Variants in KRT40 observed in about 807,000 individuals in gnomAD.
KRT40 encodes the protein keratin 40, also known as keratin, type I cytoskeletal 40.
A neutral mutation model predicts 43.5 loss-of-function variants in KRT40; 47 were observed. The observed-to-expected ratio is 1.08, with a 90% confidence interval of 0.86 to 1.38. KRT40 has a LOEUF of 1.38. KRT40 is among the 40% of genes most tolerant of loss of function. KRT40 has a pLI of 0.00. For missense variants in KRT40, 573 were observed against 523.6 expected (o/e 1.09, Z -0.92); for synonymous variants, 212 against 214.0 (o/e 0.99, Z 0.08).
Position 40,978,252 on chromosome 17 carries a change from G to A in KRT40, c.1241C>T (p.Thr414Ile). 6.2e-7 allele frequency: 1 copy of A among 1,614,190 alleles called. No homozygotes were observed. The highest frequency in any genetic ancestry group is 8.5e-7 in the Non-Finnish European group (1 of 1,180,012). The change falls in exon 7 of 7, where the codon ACT becomes ATT. Residue 414 changes from threonine (T) to isoleucine (I), a missense_variant. Coordinates refer to ENST00000377755, the MANE Select transcript of KRT40 (RefSeq NM_001389244.1). ...PCSTTCTSSN[T>I]CEPCSAYVIC... Reference sequence around the variant, plus strand: ...GACATAGGCTGAGCATGGCTCACAAGTGTTGCTCGAGGTGCATGTGGTCGA... The same window carrying A: ...GACATAGGCTGAGCATGGCTCACAAATGTTGCTCGAGGTGCATGTGGTCGA...
Position 40,983,918 on chromosome 17 carries a change from G to T in KRT40, c.356C>A (p.Ser119Tyr). ...SLEETNAELESRIQEQCEQDI... is the reference protein window; with the variant it reads ...SLEETNAELEYRIQEQCEQDI... ...CTGTTCACATTGTTCTTGGATCCTG[G>T]ATTCCAGCTCTGCGTTGGTCTCCTC... The change falls in exon 1 of 7, where the codon TCC (serine) becomes TAC (tyrosine). Residue 119 changes from serine to tyrosine, a missense_variant. Ser to Tyr is a moderately radical substitution (Grantham distance 144). Coordinates refer to ENST00000377755, the MANE Select transcript of KRT40 (RefSeq NM_001389244.1). 1 of 1,614,104 alleles carries T rather than the reference G, an allele frequency of 6.2e-7. No individual in the cohort carries two copies. The highest frequency in any genetic ancestry group is 8.5e-7 in the Non-Finnish European group (1 of 1,180,032).
intron 2 of KRT40, among the ~76,000 whole-genome samples, chr17:40,982,729 C>T (rs567750400): frequency 3.9e-5 from 6 of 152,082 alleles, no homozygotes; most frequent in Admixed American, 2.0e-4. Context: ...TAAAGCCGGG[C>T]GTGGTGGCTC....
At chr17:40,981,930 G>A (rs978948326) in intron 3 of KRT40, among the ~76,000 whole-genome samples, 2 of 152,074 alleles carry the variant, frequency 1.3e-5, no homozygotes, top group Non-Finnish European at 2.9e-5. Context: ...CCAGGCTGGA[G>A]TGCAGTGGTA....
intron 1 of KRT40, 36 bp downstream of exon 1, chr17:40,983,791 C>G (rs766738748): frequency 6.3e-7 from 1 of 1,589,058 alleles, no homozygotes. Context: ...AACCATAGAT[C>G]AGGAAGGTGG....
intron 5 of KRT40, among the ~76,000 whole-genome samples, chr17:40,979,243 C>G (rs945749213): frequency 2.0e-5 from 3 of 152,084 alleles, no homozygotes; most frequent in African/African-American, 7.2e-5. Context: ...GGGCTGGGCG[C>G]GGTGGCTCAG....
chr17:40,982,507 C>T (rs1325780745), intron 2 of KRT40, 44 bp from the exon 3 acceptor site: 2 of 1,473,168 alleles, frequency 1.4e-6, no homozygotes, highest in African/African-American at 1.4e-5. Context: ...TTGCTGAACG[C>T]TGTGCAAAGT....
chr17:40,986,846 T>C (rs1912491362), upstream of KRT40: 1 of 152,222 alleles, frequency 6.6e-6, no homozygotes, highest in Non-Finnish European at 1.5e-5. Flanking sequence ...AACCTGCTTT[T>C]TGTCGCCTTC....
chr17:40,986,745 C>T (rs765211538), upstream of KRT40, among the ~76,000 whole-genome samples: 3 of 151,188 alleles, frequency 2.0e-5, no homozygotes, highest in Admixed American at 6.6e-5. Flanking sequence ...AAAAAAAAAC[C>T]GACAACAACA....
intron 2 of KRT40, 94 bp from the exon 3 acceptor site, chr17:40,982,557 G>T: frequency 2.0e-6 from 2 of 993,236 alleles, no homozygotes; most frequent in Non-Finnish European, 2.8e-6. Context: ...ACTTCAGGAA[G>T]CCATGTGCAT....
intron 2 of KRT40, among the ~76,000 whole-genome samples, 177 bp downstream of exon 2, chr17:40,982,869 C>T (rs78895711): frequency 6.6e-6 from 1 of 151,788 alleles, no homozygotes; most frequent in African/African-American, 2.4e-5. Context: ...CTAGGTGTGG[C>T]GGTGCACGCC....
At chr17:40,980,685 G>A in intron 5 of KRT40, 100 bp downstream of exon 5, 3 of 1,450,020 alleles carry the variant, frequency 2.1e-6, no homozygotes, top group Non-Finnish European at 2.8e-6. Context: ...CAGTACTCGG[G>A]AAAGGCAAGG....
In KRT40 at chr17:40,977,871, G is replaced by T; in HGVS notation, c.*326C>A. 1 of 195,648 alleles carries T rather than the reference G, an allele frequency of 5.1e-6. No homozygotes were observed. Among genetic ancestry groups the T allele is most frequent in the Non-Finnish European group, 1.1e-5 (1 of 95,098 alleles). 12.1% of individuals were successfully genotyped at this position (195,648 alleles called of 1,614,324 possible). ...CTGGGTTTATGTACATTGAAACTAT[G>T]GTTATGGGTTTAGATGATTTCCTTG... On this transcript the variant is annotated 3_prime_UTR_variant, in exon 7 of 7. Coordinates refer to ENST00000377755, the MANE Select transcript of KRT40 (RefSeq NM_001389244.1).
At chr17:40,983,206 T>G in intron 1 of KRT40, 78 bp from the exon 2 acceptor site, 1 of 627,126 alleles carries the variant, frequency 1.6e-6, no homozygotes. Flanking sequence ...GCTATGCCAT[T>G]AGCTATCTTT....
At position 40,980,993 on chromosome 17, in the gene KRT40, A is replaced by G; in HGVS notation, c.846T>C (p.Val282=). ...NRREAEEWLA[V]QTEELNQQQL... ...TTTTTTCAATCTGGGTACTGACCTGAACAGCCAACCATTCTTCAGCTTCTC... is the reference window on the plus strand; with the variant it reads ...TTTTTTCAATCTGGGTACTGACCTGGACAGCCAACCATTCTTCAGCTTCTC... Residue 282 remains valine, a synonymous_variant, in exon 4 of 7, where the codon GTT becomes GTC. Coordinates refer to ENST00000377755, the MANE Select transcript of KRT40 (RefSeq NM_001389244.1). 1 of 1,614,210 alleles carries G rather than the reference A, an allele frequency of 6.2e-7. No homozygotes were observed.
chr17:40,980,782 C>CA lies in KRT40; in HGVS notation c.975+2dup, dbSNP rs771705072. On this transcript the variant is annotated splice_region_variant and intron_variant, in intron 5 of 6. Coordinates refer to ENST00000377755, the MANE Select transcript of KRT40 (RefSeq NM_001389244.1). ...CAACGGACACTGCCTTTGCCTCACGCACCAGGCTTTGCTGTGCTTGGAGCT... is the reference window on the plus strand; with the variant it reads ...CAACGGACACTGCCTTTGCCTCACGCAACCAGGCTTTGCTGTGCTTGGAGCT... The CA allele has an allele frequency of 2.5e-6, 4 of 1,593,886 alleles. No individual in the cohort carries two copies. Among genetic ancestry groups the CA allele is most frequent in the Non-Finnish European group, 2.6e-6 (3 of 1,174,662 alleles).
chr17:40,980,429 A>C (rs978844466), intron 5 of KRT40, among the ~76,000 whole-genome samples: 3 of 152,192 alleles, frequency 2.0e-5, no homozygotes, highest in Non-Finnish European at 4.4e-5. Flanking sequence ...GAAATGTTTG[A>C]AAATGATTCT....
chr17:40,978,887 C>G lies in KRT40; in HGVS notation c.1113G>C (p.Glu371Asp), dbSNP rs558235061. The change falls in exon 6 of 7, where the codon GAG becomes GAC. Residue 371 changes from glutamate to aspartate, a missense_variant. Glu to Asp is a conservative substitution (Grantham distance 45). Coordinates refer to ENST00000377755, the MANE Select transcript of KRT40 (RefSeq NM_001389244.1). ...CCTTCACGTCCAGGAGCACCTGGTA[C>G]TCCTGGTTCTGTCGCTCCAGGTCGC... The part of the protein sequence containing the change: ...IRCDLERQNQ[E>D]YQVLLDVKAR... 6.2e-7 allele frequency: 1 copy of G among 1,614,054 alleles called. No homozygotes were observed. Among genetic ancestry groups the G allele is most frequent in the Non-Finnish European group, 8.5e-7 (1 of 1,180,008 alleles).
At chr17:40,983,365 G>A (rs1264347323) in intron 1 of KRT40, among the ~76,000 whole-genome samples, 1 of 152,116 alleles carries the variant, frequency 6.6e-6, no homozygotes, top group Admixed American at 6.5e-5. Context: ...AAGACATTTT[G>A]CAACATTCTC....
rs202025035 is a variant in KRT40, at chr17:40,978,965, G to C, written c.1035C>G (p.Ala345=). 1.7e-4 allele frequency: 278 copies of C among 1,614,122 alleles called. 3 individuals are homozygous for C. The East Asian group carries it at 6.2e-3, about 36-fold the overall frequency. ...GGTTATCGATCAGACACTGAATTTG[G>C]GCCAGCTGGGAGCTGTACTGGGCCT... The part of the protein sequence containing the change: ...ETEAQYSSQL[A]QIQCLIDNLE... The change falls in exon 6 of 7, where the codon GCC becomes GCG. Residue 345 remains alanine (A), a synonymous_variant. Coordinates refer to ENST00000377755, the MANE Select transcript of KRT40 (RefSeq NM_001389244.1).
Sources: allele counts gnomAD v4.1 joint callset (sites outside exome capture counted in the v4.1 genomes callset), GRCh38; gene constraint gnomAD v4.1.1; transcripts MANE v1.5; gene names NCBI Gene and HGNC (gene_info 2026-07-23, HGNC 2026-07-21).